Variants in ZSWIM2 observed in about 807,000 individuals in gnomAD.
The protein encoded by ZSWIM2 is zinc finger SWIM-type containing 2.
A neutral mutation model predicts 48.4 loss-of-function variants in ZSWIM2; 38 were observed. That is an observed-to-expected ratio of 0.79 (90% CI 0.61 to 1.03). The LOEUF (loss-of-function observed/expected upper bound fraction) is 1.03. ZSWIM2 is among the 50% of genes least tolerant of loss of function. The pLI is 0.00. For synonymous variants in ZSWIM2, 240 were observed against 251.3 expected, an observed-to-expected ratio of 0.96 and a Z score of 0.42; for missense variants, 776 against 730.2, an observed-to-expected ratio of 1.06 and a Z score of -0.72.
chr2:186,831,604 A>G (rs1463060772), intron 7 of ZSWIM2, among the ~76,000 whole-genome samples: 1 of 151,974 alleles, frequency 6.6e-6, no homozygotes, highest in Non-Finnish European at 1.5e-5. Flanking sequence ...TATTCACAAT[A>G]GCAAAGACTT....
chr2:186,836,282 G>A (rs1370495305), intron 5 of ZSWIM2, among the ~76,000 whole-genome samples: 2 of 151,924 alleles, frequency 1.3e-5, no homozygotes, highest in Non-Finnish European at 2.9e-5. Flanking sequence ...CCTTTTCCTG[G>A]AATCCTCTTT....
chr2:186,845,996 A>G (rs1691991124), intron 2 of ZSWIM2, among the ~76,000 whole-genome samples: 1 of 151,956 alleles, frequency 6.6e-6, no homozygotes, highest in Non-Finnish European at 1.5e-5. Flanking sequence ...AAGATGGATT[A>G]AAGACCTAAA....
chr2:186,845,170 T>C (rs1184866124), intron 2 of ZSWIM2, among the ~76,000 whole-genome samples: 6 of 151,170 alleles, frequency 4.0e-5, no homozygotes, highest in East Asian at 1.9e-4. Flanking sequence ...ACGCATGATA[T>C]AAAAAAATTT....
At position 186,845,561 on chromosome 2, in the gene ZSWIM2, AC is replaced by A. The variant is rs1248099456; in HGVS notation, c.243-805del. Reference sequence around the variant, plus strand: ...TAAAAACATTAGAAATAATTATATAACTTTTTTACTTCTAAAGAAAAGCACT... The same window carrying A: ...TAAAAACATTAGAAATAATTATATAATTTTTTACTTCTAAAGAAAAGCACT... On this transcript the variant is annotated intron_variant, in intron 2 of 8. Transcript: ENST00000295131. 5.3e-5 allele frequency among the ~76,000 whole-genome samples: 8 copies of A among 151,540 alleles called. 1 individual carries two copies. The highest frequency in any genetic ancestry group is 1.9e-4 in the African/African-American group (8 of 41,518).
At chr2:186,830,921 T>C (rs1691687662) in intron 7 of ZSWIM2, among the ~76,000 whole-genome samples, 1 of 152,208 alleles carries the variant, frequency 6.6e-6, no homozygotes, top group South Asian at 2.1e-4. Flanking sequence ...TCAGAAAAGT[T>C]TGTACTTCTC....
intron 3 of ZSWIM2, among the ~76,000 whole-genome samples, chr2:186,843,046 A>ACAATAATAT (rs1691933697): frequency 2.0e-5 from 3 of 151,660 alleles, no homozygotes. Context: ...ACACGTTGAC[A>ACAATAATAT]CAATAATATT....
At chr2:186,838,197 G>C (rs977643660) in intron 4 of ZSWIM2, among the ~76,000 whole-genome samples, 2 of 150,458 alleles carry the variant, frequency 1.3e-5, no homozygotes, top group Non-Finnish European at 3.0e-5. Context: ...ATGAACATTA[G>C]ACTCTCAATA....
At chr2:186,848,739 T>G (rs1450222660) in intron 1 of ZSWIM2, 1 of 480,640 alleles carries the variant, frequency 2.1e-6, no homozygotes, top group African/African-American at 1.9e-5. Context: ...TTACAAGAGT[T>G]GCAGTTTGGT....
intron 2 of ZSWIM2, among the ~76,000 whole-genome samples, chr2:186,847,319 T>C (rs753206819): frequency 2.0e-4 from 31 of 151,972 alleles, no homozygotes; most frequent in Non-Finnish European, 2.9e-4. Flanking sequence ...ATGTAGAAAA[T>C]GGAACATTTG....
chr2:186,828,155 G>A lies in ZSWIM2; in HGVS notation c.1731C>T (p.Phe577=). The change falls in exon 9 of 9, where the codon TTC becomes TTT. Residue 577 remains phenylalanine (F), a synonymous_variant. Coordinates refer to ENST00000295131, the MANE Select transcript of ZSWIM2 (RefSeq NM_182521.3). ...CTGTGCTCCAATTGACAATAAGATTGAAATCCTCTGGAAGTAAAGTTGATC... is the reference window on the plus strand; with the variant it reads ...CTGTGCTCCAATTGACAATAAGATTAAAATCCTCTGGAAGTAAAGTTGATC... ...NKRSTLLPED[F]NLIVNWSTAK... 6.2e-7 allele frequency: 1 copy of A among 1,613,494 alleles called. No individual in the cohort carries two copies. The highest frequency in any genetic ancestry group is 8.5e-7 in the Non-Finnish European group (1 of 1,179,706).
chr2:186,849,098 C>A lies in ZSWIM2; in HGVS notation c.33G>T (p.Arg11Ser), dbSNP rs1337633163. 16 of 1,613,844 alleles carry A rather than the reference C, an allele frequency of 9.9e-6. No individual in the cohort carries two copies. The highest frequency in any genetic ancestry group is 2.7e-5 in the African/African-American group (2 of 74,912). The change falls in exon 1 of 9, where the codon AGG (arginine) becomes AGT (serine). Residue 11 changes from arginine to serine, a missense_variant. Coordinates refer to ENST00000295131, the MANE Select transcript of ZSWIM2 (RefSeq NM_182521.3). ...TGAGCCTCTCGCTCAAGTGTCTTCG[C>A]CTTTCAGAGGCCTTATAGCCTCGGC... MLRRGYKASE[R>S]RRHLSERLSW... is the part of the protein sequence containing the mutation.
At position 186,839,170 on chromosome 2, in the gene ZSWIM2, C is replaced by A. The variant is rs755174167; in HGVS notation, c.284-1G>T. On this transcript the variant is annotated splice_acceptor_variant, in intron 3 of 8. Coordinates refer to ENST00000295131, the MANE Select transcript of ZSWIM2 (RefSeq NM_182521.3). LOFTEE classifies it high-confidence loss of function. Reference sequence around the variant, plus strand: ...TCTCCAAGACCCAGTTGTAAAGCAGCTAGTGAGAAATCCCAAAGTATTAAA... The same window carrying A: ...TCTCCAAGACCCAGTTGTAAAGCAGATAGTGAGAAATCCCAAAGTATTAAA... The A allele has an allele frequency of 6.2e-7, 1 of 1,610,130 alleles. No homozygotes were observed. The highest frequency in any genetic ancestry group is 2.2e-5 in the East Asian group (1 of 44,768).
intron 3 of ZSWIM2, among the ~76,000 whole-genome samples, chr2:186,843,215 AGAGAAT>A (rs1691940483): frequency 1.3e-5 from 2 of 151,670 alleles, no homozygotes; most frequent in African/African-American, 4.8e-5. Flanking sequence ...AGAATAGTGT[AGAGAAT>A]AAGACTTTGG....
chr2:186,848,915 C>G (rs1340162319), intron 1 of ZSWIM2, 51 bp downstream of exon 1: 2 of 1,608,740 alleles, frequency 1.2e-6, no homozygotes, highest in South Asian at 1.1e-5. Context: ...AGTGGGGGAA[C>G]CTGGTGGGCG....
chr2:186,843,890 A>C (rs184199392), intron 3 of ZSWIM2, among the ~76,000 whole-genome samples: 6 of 151,840 alleles, frequency 4.0e-5, no homozygotes, highest in Admixed American at 2.6e-4. Context: ...ATCTGGTATA[A>C]TTTTTAAAAT....
chr2:186,834,065 A>G (rs751530680), intron 5 of ZSWIM2, 35 bp from the exon 6 acceptor site: 1 of 1,528,544 alleles, frequency 6.5e-7, no homozygotes, highest in Non-Finnish European at 9.0e-7. Flanking sequence ...CGCAAGAAAA[A>G]AAAATCCAAT....
intron 3 of ZSWIM2, 140 bp downstream of exon 3, chr2:186,844,577 C>T: frequency 2.6e-6 from 2 of 769,216 alleles, no homozygotes; most frequent in Non-Finnish European, 4.0e-6. Context: ...GTTTAAGAAG[C>T]TGAGCTACTG....
chr2:186,845,512 G>A (rs13432873), intron 2 of ZSWIM2, among the ~76,000 whole-genome samples: 22,135 of 151,072 alleles, frequency 0.15, 2,542 homozygotes, highest in African/African-American at 0.33. Flanking sequence ...AAAAGTGATC[G>A]AAATAAAAGA....
At position 186,828,257 on chromosome 2, in the gene ZSWIM2, C is replaced by T. The variant is rs1207961511; in HGVS notation, c.1629G>A (p.Arg543=). Residue 543 remains arginine, a synonymous_variant, in exon 9 of 9, where the codon CGG becomes CGA. Transcript: ENST00000295131. ...TATTACATTTACAGCCTTTGGTCAT[C>T]CGGCTTAGACTAGTGTGAAATTTTC... ...ISGKFHTSLS[R]MTKGCKCNNH... is the part of the protein sequence containing the mutation. 1.9e-6 allele frequency: 3 copies of T among 1,613,478 alleles called. No individual in the cohort carries two copies. In the African/African-American group the frequency reaches 4.0e-5, roughly 22 times the overall value.
Sources: allele counts gnomAD v4.1 joint callset (sites outside exome capture counted in the v4.1 genomes callset), GRCh38; gene constraint gnomAD v4.1.1; transcripts MANE v1.5; gene names NCBI Gene and HGNC (gene_info 2026-07-23, HGNC 2026-07-21).